Variants in TRIB2 observed in about 807,000 individuals in gnomAD.
The protein encoded by TRIB2 is tribbles pseudokinase 2, also known as tribbles homolog 2.
A neutral mutation model predicts 26.8 loss-of-function variants in TRIB2; 2 were observed. The observed-to-expected ratio is 0.07, with a 90% CI of 0.03 to 0.24. TRIB2 has a LOEUF of 0.24. Ranked by LOEUF, TRIB2 falls within the 10% of genes least tolerant of loss-of-function variation. The probability of loss-of-function intolerance (pLI) is 1.00; values close to 1 mark genes in which losing one functional copy is unlikely to be tolerated. For missense variants in TRIB2, 306 were observed against 449.0 expected (o/e 0.68, Z 2.88); for synonymous variants, 189 against 187.3 (o/e 1.01, Z -0.08).
Position 12,718,056 on chromosome 2 carries a change from C to T in TRIB2, c.-252C>T. On this transcript the variant is annotated 5_prime_UTR_variant, in exon 1 of 3. Transcript: ENST00000155926. The surrounding 1 kb of genome is among the most constrained non-coding windows in gnomAD (Gnocchi z 4.0). ...CGGCGATTCTGCACATCGCCGACTG[C>T]TTTGGGGTAACAAAAAGACCCGAGT... 1 of 559,842 alleles carries T rather than the reference C, an allele frequency of 1.8e-6. No homozygotes were observed. Among genetic ancestry groups the T allele is most frequent in the Non-Finnish European group, 3.2e-6 (1 of 316,166 alleles). 34.7% of individuals were successfully genotyped at this position (559,842 alleles called of 1,614,324 possible). A position where few individuals can be genotyped will look rare whatever the true frequency, so the allele number is the denominator to read the frequency against.
At chr2:12,726,726 C>A (rs1184330159) in intron 2 of TRIB2, among the ~76,000 whole-genome samples, 1 of 152,224 alleles carries the variant, frequency 6.6e-6, no homozygotes, top group Non-Finnish European at 1.5e-5. Flanking sequence ...CATCTTCTGA[C>A]CATCACACAC....
rs1297142434 is a variant in TRIB2, at chr2:12,742,635, A to G, written c.*1841A>G. On this transcript the variant is annotated 3_prime_UTR_variant, in exon 3 of 3. Transcript: ENST00000155926. ...GGAGGAGGAGAGGTTGGTGACATGC[A>G]TGGTGGGGATCTATGGCCTCTGGTG... 6.6e-6 allele frequency: 1 copy of G among 151,890 alleles called. No homozygotes were observed. The highest frequency in any genetic ancestry group is 2.4e-5 in the African/African-American group (1 of 41,112). 9.4% of individuals were successfully genotyped at this position (151,890 alleles called of 1,614,324 possible).
At position 12,740,920 on chromosome 2, in the gene TRIB2, C is replaced by T; in HGVS notation, c.*126C>T. 2.1e-6 allele frequency: 2 copies of T among 945,924 alleles called. No homozygotes were observed. Among genetic ancestry groups the T allele is most frequent in the South Asian group, 1.7e-5 (1 of 57,794 alleles). 58.6% of individuals were successfully genotyped at this position (945,924 alleles called of 1,614,324 possible). A position where few individuals can be genotyped will look rare whatever the true frequency, so the allele number is the denominator to read the frequency against. On this transcript the variant is annotated 3_prime_UTR_variant, in exon 3 of 3. Transcript: ENST00000155926. The surrounding 1 kb of genome is among the most constrained non-coding windows in gnomAD (Gnocchi z 5.8). ...AGACACACTCTTAAGTTTCTTGGTT[C>T]AGAGCAGGAAAACCTTCAAGGAGCT...
chr2:12,736,114 G>A (rs1661561189), intron 2 of TRIB2, among the ~76,000 whole-genome samples: 1 of 152,134 alleles, frequency 6.6e-6, no homozygotes, highest in African/African-American at 2.4e-5. Flanking sequence ...CCTGGGGGCA[G>A]GAGGAGGTGA....
chr2:12,731,027 C>G (rs1661441419), intron 2 of TRIB2, among the ~76,000 whole-genome samples: 2 of 152,172 alleles, frequency 1.3e-5, no homozygotes, highest in Admixed American at 1.3e-4. Context: ...TATTAAGCAC[C>G]TACTCTGTCC....
At position 12,740,791 on chromosome 2, in the gene TRIB2, C is replaced by G; in HGVS notation, c.1029C>G (p.Asn343Lys). ...AAGAGAACTTGGACCCTTTCTTTAA[C>G]TGAGCTCATGCCCCACGGAGACTTA... The part of the protein sequence containing the change: ...NMEENLDPFF[N>K] The change falls in exon 3 of 3, where the codon AAC becomes AAG. Residue 343 changes from asparagine to lysine, a missense_variant. By Grantham distance (94) the Asn-to-Lys change is moderately conservative (BLOSUM62 0). Coordinates refer to ENST00000155926, the MANE Select transcript of TRIB2 (RefSeq NM_021643.4). This position sits in a 1 kb window ranked among gnomAD's most constrained non-coding sequence, Gnocchi z 5.8. 6.2e-7 allele frequency: 1 copy of G among 1,612,622 alleles called. No homozygotes were observed. Among genetic ancestry groups the G allele is most frequent in the African/African-American group, 1.3e-5 (1 of 74,998 alleles).
At chr2:12,724,656 G>A (rs751988198) in intron 2 of TRIB2, 9 of 1,612,716 alleles carry the variant, frequency 5.6e-6, no homozygotes, top group Admixed American at 3.3e-5. Context: ...GCCTGGAGAT[G>A]TTTCCCCTGG....
chr2:12,735,918 C>G (rs1661557284), intron 2 of TRIB2, among the ~76,000 whole-genome samples: 1 of 152,136 alleles, frequency 6.6e-6, no homozygotes. Context: ...GTGGGATGGT[C>G]TTTTCATTTT....
chr2:12,717,534 C>G lies in TRIB2; in HGVS notation c.-774C>G. The stretch of plus-strand genomic sequence containing the variant: ...TACCTGCGCCCAGCCCGCGCCGCAA[C>G]TCTGTGCCCAGCTTTTGCAATCTTT... On this transcript the variant is annotated 5_prime_UTR_variant, in exon 1 of 3. Transcript: ENST00000155926. This position sits in a 1 kb window ranked among gnomAD's most constrained non-coding sequence, Gnocchi z 4.8. 2.5e-6 allele frequency: 1 copy of G among 398,390 alleles called. No homozygotes were observed. Among genetic ancestry groups the G allele is most frequent in the Admixed American group, 4.4e-5 (1 of 22,736 alleles). The allele number at this position is 398,390 out of a possible 1,614,324, so 24.7% of individuals were successfully genotyped here.
At chr2:12,719,696 T>C (rs1485958006) in intron 1 of TRIB2, among the ~76,000 whole-genome samples, 2 of 151,888 alleles carry the variant, frequency 1.3e-5, no homozygotes, top group African/African-American at 4.8e-5. Context: ...CACCACAGAC[T>C]ACTTTGCGGA....
chr2:12,737,474 G>A (rs566783209), intron 2 of TRIB2: 21 of 154,812 alleles, frequency 1.4e-4, no homozygotes, highest in Middle Eastern at 5.2e-4. Flanking sequence ...TTTCACCTCC[G>A]TCACATCTCG....
chr2:12,718,617 C>T lies in TRIB2; in HGVS notation c.270+40C>T. The T allele has an allele frequency of 6.3e-7, 1 of 1,595,000 alleles. No individual in the cohort carries two copies. The highest frequency in any genetic ancestry group is 1.1e-5 in the South Asian group (1 of 90,080). On this transcript the variant is annotated intron_variant, in intron 1 of 2. Coordinates refer to ENST00000155926, the MANE Select transcript of TRIB2 (RefSeq NM_021643.4). This position sits in a 1 kb window ranked among gnomAD's most constrained non-coding sequence, Gnocchi z 4.0. ...GGTTGCTTTTTGTCTTTGGAAGGGG[C>T]CCGAGGGAGCGGGAGGGCGCCAGGC...
chr2:12,717,145 G>T lies in TRIB2; in HGVS notation c.-1163G>T, dbSNP rs926362542. On this transcript the variant is annotated 5_prime_UTR_variant, in exon 1 of 3. Transcript: ENST00000155926. This position sits in a 1 kb window ranked among gnomAD's most constrained non-coding sequence, Gnocchi z 4.8. ...TCTTTTCTCTGGGGGGGGCAAGCAAGAAATCAAAGAAGGAGGAGACAAGCC... is the reference window on the plus strand; with the variant it reads ...TCTTTTCTCTGGGGGGGGCAAGCAATAAATCAAAGAAGGAGGAGACAAGCC... 9 of 382,244 alleles carry T rather than the reference G, an allele frequency of 2.4e-5. No individual in the cohort carries two copies. The highest frequency in any genetic ancestry group is 1.7e-4 in the African/African-American group (8 of 48,236). 23.7% of individuals were successfully genotyped at this position (382,244 alleles called of 1,614,324 possible).
At position 12,740,696 on chromosome 2, in the gene TRIB2, T is replaced by G; in HGVS notation, c.934T>G (p.Phe312Val). Residue 312 changes from phenylalanine to valine, a missense_variant, in exon 3 of 3, where the codon TTT (phenylalanine) becomes GTT (valine). By Grantham distance (50) the Phe-to-Val change is conservative. Coordinates refer to ENST00000155926, the MANE Select transcript of TRIB2 (RefSeq NM_021643.4). The surrounding 1 kb of genome is among the most constrained non-coding windows in gnomAD (Gnocchi z 5.8). ...GGACCATCCTTGGTTTTCTACAGAT[T>G]TTAGCGTCTCGAATTCAGCATATGG... ...ILDHPWFSTDFSVSNSAYGAK... is the reference protein window; with the variant it reads ...ILDHPWFSTDVSVSNSAYGAK... The G allele has an allele frequency of 6.2e-7, 1 of 1,614,174 alleles. No individual in the cohort carries two copies. The highest frequency in any genetic ancestry group is 1.7e-5 in the Admixed American group (1 of 60,022).
At chr2:12,727,661 G>A (rs968046404) in intron 2 of TRIB2, among the ~76,000 whole-genome samples, 1 of 152,052 alleles carries the variant, frequency 6.6e-6, no homozygotes, top group Non-Finnish European at 1.5e-5. Context: ...TTCGTTCCCA[G>A]GGATGTTTGT....
intron 2 of TRIB2, among the ~76,000 whole-genome samples, chr2:12,727,241 ATG>A (rs1246402826): frequency 1.3e-5 from 2 of 152,212 alleles, no homozygotes; most frequent in African/African-American, 4.8e-5. Flanking sequence ...TGAGGGTTAA[ATG>A]AGATGATTCT....
chr2:12,723,585 T>C (rs1019605360), intron 2 of TRIB2, 33 bp downstream of exon 2: 17 of 1,594,582 alleles, frequency 1.1e-5, no homozygotes, highest in Non-Finnish European at 1.5e-5. Flanking sequence ...CTGGGTACTG[T>C]GATGGACTGC....
intron 2 of TRIB2, among the ~76,000 whole-genome samples, chr2:12,731,148 A>G (rs1199375807): frequency 6.6e-6 from 1 of 152,222 alleles, no homozygotes; most frequent in Non-Finnish European, 1.5e-5. Flanking sequence ...AACAGTTCCA[A>G]CAGTGGAGTA....
intron 2 of TRIB2, among the ~76,000 whole-genome samples, chr2:12,735,397 C>T (rs1402686997): frequency 6.6e-6 from 1 of 152,128 alleles, no homozygotes; most frequent in East Asian, 1.9e-4. Context: ...AGCACACGTA[C>T]AGCGCACCTT....
Sources: allele counts gnomAD v4.1 joint callset (sites outside exome capture counted in the v4.1 genomes callset), GRCh38; gene constraint gnomAD v4.1.1; non-coding constraint Gnocchi (gnomAD v3.1); transcripts MANE v1.5; gene names NCBI Gene and HGNC (gene_info 2026-07-23, HGNC 2026-07-21).